Variants in AKT3 observed in about 807,000 individuals in gnomAD.
AKT3 encodes AKT serine/threonine kinase 3.
A neutral mutation model predicts 65.3 loss-of-function variants in AKT3; 15 were observed. That is an observed-to-expected ratio of 0.23 (90% CI 0.15 to 0.35). AKT3 has a LOEUF of 0.35. AKT3 is among the 10% of genes least tolerant of loss of function. The pLI is 1.00. For synonymous variants in AKT3, 206 were observed against 183.8 expected, an observed-to-expected ratio of 1.12 and a Z score of -0.98; for missense variants, 243 against 576.5, an observed-to-expected ratio of 0.42 and a Z score of 5.92.
At chr1:243,557,078 C>T (rs1673459013) in intron 10 of AKT3, among the ~76,000 whole-genome samples, 1 of 152,102 alleles carries the variant, frequency 6.6e-6, no homozygotes, top group African/African-American at 2.4e-5. Context: ...ATCGTACTTT[C>T]AAAAGCAAAC....
rs1044897924 is a variant in AKT3, at chr1:243,500,508, T to C, written c.*4741A>G. ...ATATCAAATATCTGTACACAGATAA[T>C]TATTTGTCTAAAATAGTATTTCTAC... is the stretch of plus-strand genomic sequence containing the variant. On this transcript the variant is annotated 3_prime_UTR_variant, in exon 14 of 14. Transcript: ENST00000673466. The C allele has an allele frequency of 1.3e-5, 3 of 226,544 alleles. No individual in the cohort carries two copies. The highest frequency in any genetic ancestry group is 6.7e-5 in the African/African-American group (3 of 44,980). 14.0% of individuals were successfully genotyped at this position (226,544 alleles called of 1,614,324 possible). A position where few individuals can be genotyped will look rare whatever the true frequency, so the allele number is the denominator to read the frequency against.
intron 2 of AKT3, among the ~76,000 whole-genome samples, chr1:243,775,156 C>A (rs1241441848): frequency 6.6e-6 from 1 of 152,100 alleles, no homozygotes; most frequent in Non-Finnish European, 1.5e-5. Flanking sequence ...AGCTACCGCA[C>A]CCGTCCTTGT....
At chr1:243,663,117 T>C (rs1419049833) in intron 4 of AKT3, among the ~76,000 whole-genome samples, 1 of 152,232 alleles carries the variant, frequency 6.6e-6, no homozygotes, top group Non-Finnish European at 1.5e-5. Context: ...GTGCAAAAGA[T>C]GTTTTAAATG....
intron 4 of AKT3, among the ~76,000 whole-genome samples, chr1:243,654,385 T>C (rs926200483): frequency 2.0e-5 from 3 of 152,242 alleles, no homozygotes; most frequent in African/African-American, 7.2e-5. Context: ...TTGTTTTTCA[T>C]TCCATTCTGT....
At chr1:243,585,593 A>C (rs980518849) in intron 8 of AKT3, among the ~76,000 whole-genome samples, 7 of 152,290 alleles carry the variant, frequency 4.6e-5, no homozygotes, top group African/African-American at 1.4e-4. Flanking sequence ...CCAGCCACCT[A>C]CAATAATCTA....
intron 12 of AKT3, among the ~76,000 whole-genome samples, chr1:243,527,892 C>CACACACAAGACTCCATCTCTTAAA (rs1479890498): frequency 1.2e-4 from 12 of 101,264 alleles, no homozygotes; most frequent in African/African-American, 5.2e-4. Context: ...CACACACACA[C>CACACACAAGACTCCATCTCTTAAA]ACACACACAC....
At chr1:243,778,472 G>C (rs1417103890) in intron 2 of AKT3, among the ~76,000 whole-genome samples, 1 of 152,162 alleles carries the variant, frequency 6.6e-6, no homozygotes, top group African/African-American at 2.4e-5. Context: ...CACATGTGGA[G>C]AACTACTACC....
intron 2 of AKT3, among the ~76,000 whole-genome samples, chr1:243,833,334 T>C (rs1448165198): frequency 1.3e-5 from 2 of 152,066 alleles, no homozygotes; most frequent in African/African-American, 4.8e-5. Flanking sequence ...TAGTTCAGCA[T>C]GGCTAGGGAG....
At chr1:243,839,904 C>G (rs374500083) in intron 2 of AKT3, among the ~76,000 whole-genome samples, 5 of 151,278 alleles carry the variant, frequency 3.3e-5, no homozygotes, top group African/African-American at 1.2e-4. Context: ...GGAAAAGGTC[C>G]GGGTGCGGTG....
chr1:243,610,754 C>T lies in AKT3; in HGVS notation c.696+2917G>A, dbSNP rs967915446. 9.2e-5 allele frequency among the ~76,000 whole-genome samples: 14 copies of T among 152,258 alleles called. No homozygotes were observed. The East Asian group carries it at 2.5e-3, about 27-fold the overall frequency. On this transcript the variant is annotated intron_variant, in intron 8 of 13. Transcript: ENST00000673466. ...CCCAGTGCATAATTTCAGAGATACT[C>T]GATCAATAGACAAACATATATACAC...
chr1:243,493,117 C>T (rs1285111941), intron 13 of AKT3, among the ~76,000 whole-genome samples: 1 of 151,966 alleles, frequency 6.6e-6, no homozygotes, highest in Non-Finnish European at 1.5e-5. Context: ...TCAGGGCCTC[C>T]AGACACACAC....
intron 2 of AKT3, among the ~76,000 whole-genome samples, chr1:243,823,826 T>C (rs974274686): frequency 6.6e-6 from 1 of 152,200 alleles, no homozygotes; most frequent in Non-Finnish European, 1.5e-5. Flanking sequence ...AAAATGGTCA[T>C]ACTGCCTAAA....
chr1:243,525,179 A>G (rs1238730986), intron 12 of AKT3, among the ~76,000 whole-genome samples: 3 of 152,192 alleles, frequency 2.0e-5, no homozygotes, highest in Non-Finnish European at 2.9e-5. Flanking sequence ...CTCCTAGTGA[A>G]GTCTAAATAA....
intron 2 of AKT3, among the ~76,000 whole-genome samples, chr1:243,757,242 CA>C (rs1689195200): frequency 6.6e-6 from 1 of 152,160 alleles, no homozygotes. Flanking sequence ...ACTCTTTTTA[CA>C]TAAGAGCATG....
intron 2 of AKT3, among the ~76,000 whole-genome samples, chr1:243,841,596 G>C (rs936552406): frequency 6.6e-6 from 1 of 152,160 alleles, no homozygotes; most frequent in African/African-American, 2.4e-5. Context: ...TCGGAAAACA[G>C]CTGGGCAGTT....
intron 3 of AKT3, among the ~76,000 whole-genome samples, chr1:243,688,635 G>C (rs2148002181): frequency 6.6e-6 from 1 of 152,224 alleles, no homozygotes; most frequent in African/African-American, 2.4e-5. Context: ...AAAAGGATGA[G>C]GACTAAACTG....
chr1:243,637,545 A>C, intron 6 of AKT3, 66 bp downstream of exon 6: 2 of 1,370,932 alleles, frequency 1.5e-6, no homozygotes, highest in South Asian at 3.2e-5. Context: ...ATGTAAATTC[A>C]TGAGCCCACA....
At chr1:243,702,597 C>T (rs1273721339) in intron 2 of AKT3, among the ~76,000 whole-genome samples, 1 of 151,994 alleles carries the variant, frequency 6.6e-6, no homozygotes, top group Non-Finnish European at 1.5e-5. Context: ...ATTTATAATC[C>T]AACTACAAAC....
intron 2 of AKT3, among the ~76,000 whole-genome samples, chr1:243,721,895 A>G (rs1686936884): frequency 6.6e-6 from 1 of 152,194 alleles, no homozygotes; most frequent in South Asian, 2.1e-4. Flanking sequence ...TTAAGAAAAG[A>G]TATAAGTAAC....
Sources: allele counts gnomAD v4.1 joint callset (sites outside exome capture counted in the v4.1 genomes callset), GRCh38; gene constraint gnomAD v4.1.1; transcripts MANE v1.5; gene names NCBI Gene and HGNC (gene_info 2026-07-23, HGNC 2026-07-21).